Variants in PTPRD observed in about 807,000 individuals in gnomAD.
PTPRD encodes protein tyrosine phosphatase receptor type D, also known as receptor-type tyrosine-protein phosphatase delta.
PTPRD carries 34 observed loss-of-function variants against 214.5 expected under a neutral mutation model. The observed-to-expected ratio is 0.16, with a 90% CI of 0.12 to 0.21. PTPRD has a LOEUF of 0.21. Ranked by LOEUF, PTPRD falls within the 10% of genes least tolerant of loss-of-function variation. PTPRD has a pLI of 1.00. For missense variants in PTPRD, 2,545 were observed against 2,398.7 expected (o/e 1.06, Z -1.27); for synonymous variants, 1,128 against 845.7 (o/e 1.33, Z -5.79).
intron 14 of PTPRD, among the ~76,000 whole-genome samples, chr9:8,629,696 A>G (rs1327511305): frequency 6.6e-6 from 1 of 151,798 alleles, no homozygotes; most frequent in African/African-American, 2.4e-5. Flanking sequence ...AAAGTGTTGT[A>G]TCATTAGGGA....
intron 3 of PTPRD, among the ~76,000 whole-genome samples, chr9:10,172,568 T>G (rs999971235): frequency 6.6e-6 from 1 of 152,192 alleles, no homozygotes; most frequent in African/African-American, 2.4e-5. Context: ...GACCTGCCAT[T>G]CTAGCTCCTT....
chr9:10,418,761 T>C (rs2098518721), intron 2 of PTPRD, among the ~76,000 whole-genome samples: 1 of 151,610 alleles, frequency 6.6e-6, no homozygotes, highest in Admixed American at 6.6e-5. Flanking sequence ...GAAGAAATGG[T>C]TGGAAGGAAA....
chr9:8,329,638 T>TTG (rs1837692968), intron 44 of PTPRD, among the ~76,000 whole-genome samples: 1 of 152,086 alleles, frequency 6.6e-6, no homozygotes, highest in Admixed American at 6.5e-5. Context: ...GCCAGGTGCT[T>TTG]TGTCCCAGTG....
intron 10 of PTPRD, among the ~76,000 whole-genome samples, chr9:9,160,629 C>CA (rs2099886328): frequency 6.6e-6 from 1 of 151,960 alleles, no homozygotes; most frequent in Admixed American, 6.6e-5. Context: ...GGAGATTCCT[C>CA]AAAAAAACTA....
rs554118414 is a variant in PTPRD, at chr9:9,673,719, G to GAA, written c.-287+60812_-287+60813dup. On this transcript the variant is annotated intron_variant, in intron 7 of 45. Transcript: ENST00000381196. ...AAACCTATATTGAGAAGACAATTTAGAAAAAAAAAAGCATACCTGGATACA... is the reference window on the plus strand; with the variant it reads ...AAACCTATATTGAGAAGACAATTTAGAAAAAAAAAAAAGCATACCTGGATACA... Among the ~76,000 whole-genome samples the GAA allele has an allele frequency of 2.3e-3, 335 of 143,790 alleles. 1 individual carries two copies. Among genetic ancestry groups the GAA allele is most frequent in the African/African-American group, 8.1e-3 (319 of 39,366 alleles). The allele number at this position is 143,790 out of a possible 152,430, so 94.3% of individuals were successfully genotyped here. A position where few individuals can be genotyped will look rare whatever the true frequency, so the allele number is the denominator to read the frequency against.
intron 8 of PTPRD, among the ~76,000 whole-genome samples, chr9:9,486,813 C>G (rs1017249552): frequency 6.6e-6 from 1 of 152,098 alleles, no homozygotes; most frequent in Admixed American, 6.6e-5. Context: ...CACTTAACAT[C>G]ATACATTATA....
intron 9 of PTPRD, among the ~76,000 whole-genome samples, chr9:9,291,698 A>T (rs1951193816): frequency 6.6e-6 from 1 of 151,156 alleles, no homozygotes; most frequent in Non-Finnish European, 1.5e-5. Flanking sequence ...TTGTGAATAA[A>T]AATTTATTTA....
intron 2 of PTPRD, among the ~76,000 whole-genome samples, chr9:10,519,702 G>A (rs1260853396): frequency 6.6e-6 from 1 of 151,930 alleles, no homozygotes; most frequent in African/African-American, 2.4e-5. Flanking sequence ...TCACATTTTG[G>A]TAATTCTCTT....
chr9:8,584,230 A>G (rs924448591), intron 14 of PTPRD, among the ~76,000 whole-genome samples: 3 of 152,182 alleles, frequency 2.0e-5, no homozygotes, highest in Non-Finnish European at 4.4e-5. Flanking sequence ...CATAGCAAAT[A>G]TATTTTCCAT....
intron 8 of PTPRD, among the ~76,000 whole-genome samples, chr9:9,437,906 C>G (rs552638945): frequency 7.2e-5 from 11 of 152,202 alleles, no homozygotes; most frequent in Non-Finnish European, 1.3e-4. Context: ...GGGAGGCTAA[C>G]TCAACAAAAA....
At chr9:10,454,413 CT>C (rs962580088) in intron 2 of PTPRD, among the ~76,000 whole-genome samples, 3 of 151,548 alleles carry the variant, frequency 2.0e-5, no homozygotes, top group African/African-American at 7.3e-5. Context: ...CCTCAGAATA[CT>C]TTTTTTAAAA....
chr9:9,289,007 C>G (rs751204575), intron 9 of PTPRD, among the ~76,000 whole-genome samples: 35 of 151,820 alleles, frequency 2.3e-4, no homozygotes, highest in Non-Finnish European at 4.7e-4. Context: ...TCAACTAAAC[C>G]TCTTTTCTTT....
chr9:9,844,528 T>C (rs925512751), intron 5 of PTPRD, among the ~76,000 whole-genome samples: 3 of 151,964 alleles, frequency 2.0e-5, no homozygotes, highest in Non-Finnish European at 4.4e-5. Flanking sequence ...TAGAAAATAT[T>C]AAATTCCAAG....
intron 7 of PTPRD, among the ~76,000 whole-genome samples, chr9:9,650,321 G>C (rs1022987006): frequency 1.3e-5 from 2 of 152,092 alleles, no homozygotes; most frequent in African/African-American, 4.8e-5. Context: ...CCCAGTCTCA[G>C]GTAGTTCTTT....
At position 8,633,832 on chromosome 9, in the gene PTPRD, C is replaced by T. The variant is rs117910303; in HGVS notation, c.211-374G>A. Among the ~76,000 whole-genome samples the T allele has an allele frequency of 5.3e-3, 812 of 152,034 alleles. 7 individuals are homozygous for T. The highest frequency in any genetic ancestry group is 0.017 in the East Asian group (87 of 5,168). On this transcript the variant is annotated intron_variant, in intron 13 of 45. Transcript: ENST00000381196. ...TATTCTTTCTCTCACAGCACATATA[C>T]GAATGTGGATTCATTCAATAATGGG... is the stretch of plus-strand genomic sequence containing the variant.
chr9:10,221,384 TA>T (rs981669950), intron 3 of PTPRD, among the ~76,000 whole-genome samples: 10 of 152,008 alleles, frequency 6.6e-5, no homozygotes, highest in African/African-American at 1.7e-4. Flanking sequence ...ACTAAAAATC[TA>T]AAAAACATGG....
intron 8 of PTPRD, among the ~76,000 whole-genome samples, chr9:9,513,393 T>C (rs1168953812): frequency 6.6e-6 from 1 of 152,014 alleles, no homozygotes; most frequent in African/African-American, 2.4e-5. Context: ...ATACTCAAAC[T>C]ATTTCAAAGA....
chr9:9,128,677 C>T (rs2099837902), intron 10 of PTPRD, among the ~76,000 whole-genome samples: 1 of 152,144 alleles, frequency 6.6e-6, no homozygotes, highest in South Asian at 2.1e-4. Context: ...CTTGTGATGA[C>T]ATTCATGCCT....
In PTPRD at chr9:8,465,636, A is replaced by G. The variant is rs147343445; in HGVS notation, c.3544T>C (p.Tyr1182His). Residue 1182 changes from tyrosine to histidine, a missense_variant, in exon 32 of 46, where the codon TAT becomes CAT. Tyr to His is a moderately conservative substitution (Grantham distance 83). Coordinates refer to ENST00000381196, the MANE Select transcript of PTPRD (RefSeq NM_002839.4). ...GGCTTTAATTCAACTTCTCTCCCAT[A>G]ACGGATGCTTCTGCGCTTCCTAGAT... ...EISRKRRSIR[Y>H]GREVELKPYI... 11 of 1,612,146 alleles carry G rather than the reference A, an allele frequency of 6.8e-6. No individual in the cohort carries two copies. The African/African-American group carries it at 1.3e-4, about 20-fold the overall frequency.
Sources: allele counts gnomAD v4.1 joint callset (sites outside exome capture counted in the v4.1 genomes callset), GRCh38; gene constraint gnomAD v4.1.1; transcripts MANE v1.5; gene names NCBI Gene and HGNC (gene_info 2026-07-23, HGNC 2026-07-21).